TRPM3: variants seen among roughly 807,000 people sequenced by gnomAD.
TRPM3 encodes the protein long transient receptor potential channel 3.
TRPM3 carries 77 observed loss-of-function variants against 181.2 expected under a neutral mutation model. The observed-to-expected ratio is 0.42, with a 90% CI of 0.35 to 0.51. TRPM3 has a LOEUF of 0.51. Ranked by LOEUF, TRPM3 falls within the 20% of genes least tolerant of loss-of-function variation. The pLI is 0.01. For missense variants in TRPM3, 1,759 were observed against 2,196.7 expected (o/e 0.80, Z 3.98); for synonymous variants, 745 against 796.4 (o/e 0.94, Z 1.09).
intron 1 of TRPM3, among the ~76,000 whole-genome samples, chr9:71,132,100 G>C (rs1012565661): frequency 2.0e-5 from 3 of 152,154 alleles, no homozygotes; most frequent in African/African-American, 7.2e-5. Context: ...AATAGAAACC[G>C]ATGTTGATGC....
intron 1 of TRPM3, among the ~76,000 whole-genome samples, chr9:71,198,636 T>C (rs902265206): frequency 7.9e-5 from 12 of 151,654 alleles, no homozygotes; most frequent in African/African-American, 2.9e-4. Context: ...TTGAAGCAAT[T>C]GTGAATGGGA....
At chr9:71,298,120 A>C (rs1415870782) in intron 1 of TRPM3, among the ~76,000 whole-genome samples, 4 of 152,140 alleles carry the variant, frequency 2.6e-5, no homozygotes, top group Non-Finnish European at 5.9e-5. Flanking sequence ...CCTCTAGTAA[A>C]CTGAGTCAAA....
chr9:70,869,412 T>C (rs1173589354), intron 1 of TRPM3, among the ~76,000 whole-genome samples: 1 of 145,240 alleles, frequency 6.9e-6, no homozygotes, highest in Non-Finnish European at 1.5e-5. Flanking sequence ...GTGTTCTGAG[T>C]TCTGAAAGTT....
intron 1 of TRPM3, among the ~76,000 whole-genome samples, chr9:70,968,925 G>A (rs1283212305): frequency 1.3e-5 from 2 of 152,056 alleles, no homozygotes; most frequent in Admixed American, 6.6e-5. Flanking sequence ...GAAAATCTAG[G>A]CAATACCATT....
In TRPM3 at chr9:70,863,012, T is replaced by A; in HGVS notation, c.358A>T (p.Ile120Phe). ...KNESRLSRNDIQSEKWSISKH... is the reference protein window; with the variant it reads ...KNESRLSRNDFQSEKWSISKH... ...CTGATGGACCACTTTTCAGACTGGA[T>A]GTCATTTCGGGAGAGGCGACTTTCA... The change falls in exon 3 of 26, where the codon ATC (isoleucine) becomes TTC (phenylalanine). Residue 120 changes from isoleucine to phenylalanine, a missense_variant. Physicochemically the swap from Ile to Phe is conservative, Grantham distance 21 (BLOSUM62 0). Coordinates refer to ENST00000677713, the MANE Select transcript of TRPM3 (RefSeq NM_001366145.2). The A allele has an allele frequency of 6.2e-7, 1 of 1,613,688 alleles. No homozygotes were observed.
chr9:71,326,895 G>A (rs894221790), intron 1 of TRPM3, among the ~76,000 whole-genome samples: 9 of 152,158 alleles, frequency 5.9e-5, no homozygotes, highest in African/African-American at 1.7e-4. Context: ...GAGAGTGCAC[G>A]GAGGAGAGAA....
intron 1 of TRPM3, among the ~76,000 whole-genome samples, chr9:70,898,771 A>C (rs950879225): frequency 2.0e-5 from 3 of 150,470 alleles, no homozygotes; most frequent in African/African-American, 7.3e-5. Context: ...AAAAAAGAAA[A>C]GAAAAGAAAA....
At chr9:70,832,865 G>A (rs2094033857) in intron 5 of TRPM3, among the ~76,000 whole-genome samples, 1 of 152,160 alleles carries the variant, frequency 6.6e-6, no homozygotes, top group Non-Finnish European at 1.5e-5. Context: ...CTAACATGGG[G>A]CAAGTCTGTG....
chr9:70,749,268 CT>C (rs1362421269), intron 8 of TRPM3, among the ~76,000 whole-genome samples: 1 of 152,030 alleles, frequency 6.6e-6, no homozygotes, highest in Admixed American at 6.6e-5. Context: ...GCAATGTTTG[CT>C]TCTTGATTTT....
chr9:70,787,760 ATTCTTTT>A (rs1564289708), intron 6 of TRPM3, among the ~76,000 whole-genome samples: 1 of 34,316 alleles, frequency 2.9e-5, no homozygotes, highest in Non-Finnish European at 5.8e-5. Flanking sequence ...GACTTTTTGG[ATTCTTTT>A]TTTTTTTTTT....
At chr9:71,390,322 T>G (rs955600514) in intron 1 of TRPM3, among the ~76,000 whole-genome samples, 1 of 152,068 alleles carries the variant, frequency 6.6e-6, no homozygotes, top group Non-Finnish European at 1.5e-5. Flanking sequence ...AACTTAATGG[T>G]AAATTCACTG....
intron 22 of TRPM3, among the ~76,000 whole-genome samples, chr9:70,556,700 T>C (rs2047800227): frequency 6.6e-6 from 1 of 152,130 alleles, no homozygotes; most frequent in African/African-American, 2.4e-5. Flanking sequence ...CTAGCCTTGG[T>C]GACACAGCAA....
chr9:70,886,613 G>C (rs1166455807), intron 1 of TRPM3, among the ~76,000 whole-genome samples: 2 of 152,102 alleles, frequency 1.3e-5, no homozygotes, highest in Admixed American at 1.3e-4. Context: ...TGGGGATGGC[G>C]ATCCTCTGTG....
intron 1 of TRPM3, among the ~76,000 whole-genome samples, chr9:71,393,924 G>T (rs183775394): frequency 6.6e-6 from 1 of 152,104 alleles, no homozygotes; most frequent in Non-Finnish European, 1.5e-5. Context: ...TTCATAGTCC[G>T]GGATTTATAT....
chr9:70,941,547 C>G (rs1273515101), intron 1 of TRPM3, among the ~76,000 whole-genome samples: 2 of 152,190 alleles, frequency 1.3e-5, no homozygotes, highest in Non-Finnish European at 2.9e-5. Flanking sequence ...TAATAAACCC[C>G]TCTTCATATA....
At chr9:70,848,472 TA>T (rs2095075399) in intron 3 of TRPM3, among the ~76,000 whole-genome samples, 2 of 152,262 alleles carry the variant, frequency 1.3e-5, no homozygotes, top group South Asian at 4.1e-4. Context: ...ATACCAATTC[TA>T]ACATGCAGAA....
At chr9:70,987,047 T>C (rs1340803487) in intron 1 of TRPM3, among the ~76,000 whole-genome samples, 2 of 151,878 alleles carry the variant, frequency 1.3e-5, no homozygotes, top group Non-Finnish European at 2.9e-5. Flanking sequence ...TTAATTAATT[T>C]ACATTTACAT....
intron 8 of TRPM3, among the ~76,000 whole-genome samples, chr9:70,689,379 A>G (rs1416804583): frequency 6.6e-6 from 1 of 152,210 alleles, no homozygotes; most frequent in African/African-American, 2.4e-5. Flanking sequence ...TAGCATTAGC[A>G]TAAAGGCAGG....
At chr9:70,584,026 C>T (rs2056584068) in intron 22 of TRPM3, among the ~76,000 whole-genome samples, 1 of 152,086 alleles carries the variant, frequency 6.6e-6, no homozygotes, top group African/African-American at 2.4e-5. Flanking sequence ...TCACTGAATA[C>T]AAACTCCTCT....
Sources: allele counts gnomAD v4.1 joint callset (sites outside exome capture counted in the v4.1 genomes callset), GRCh38; gene constraint gnomAD v4.1.1; transcripts MANE v1.5; gene names NCBI Gene and HGNC (gene_info 2026-07-23, HGNC 2026-07-21).